Variants in CLOCK observed in about 807,000 individuals in gnomAD.
CLOCK encodes the protein circadian locomoter output cycles protein kaput.
CLOCK carries 43 observed loss-of-function variants against 118.4 expected under a neutral mutation model. The ratio of observed to expected loss-of-function variants is 0.36; its 90% CI spans 0.28 to 0.47. CLOCK has a LOEUF of 0.47. CLOCK is among the 20% of genes least tolerant of loss of function. The probability of loss-of-function intolerance (pLI) is 1.00; values close to 1 mark genes in which losing one functional copy is unlikely to be tolerated. For missense variants in CLOCK, 846 were observed against 999.9 expected (o/e 0.85, Z 2.08); for synonymous variants, 326 against 339.2 (o/e 0.96, Z 0.43).
At chr4:55,492,446 T>C (rs1471050855) in intron 2 of CLOCK, among the ~76,000 whole-genome samples, 7 of 151,508 alleles carry the variant, frequency 4.6e-5, no homozygotes. Flanking sequence ...AAAAAATAAA[T>C]TGGTTTGAAA....
intron 8 of CLOCK, among the ~76,000 whole-genome samples, chr4:55,465,004 T>C (rs1295839613): frequency 6.6e-6 from 1 of 152,198 alleles, no homozygotes; most frequent in Non-Finnish European, 1.5e-5. Context: ...AAATTACTTC[T>C]TTCAAGAAAG....
chr4:55,457,615 T>C (rs1416315222), intron 11 of CLOCK, among the ~76,000 whole-genome samples: 1 of 152,170 alleles, frequency 6.6e-6, no homozygotes, highest in African/African-American at 2.4e-5. Flanking sequence ...AAATTTTATT[T>C]CTGGTTTCTG....
At chr4:55,475,038 TGATG>T (rs970838798) in intron 7 of CLOCK, among the ~76,000 whole-genome samples, 1 of 152,198 alleles carries the variant, frequency 6.6e-6, no homozygotes, top group Non-Finnish European at 1.5e-5. Flanking sequence ...GTGATTCATG[TGATG>T]GATCTGGGCA....
chr4:55,484,973 T>C (rs1351593339), intron 3 of CLOCK, among the ~76,000 whole-genome samples: 2 of 152,048 alleles, frequency 1.3e-5, no homozygotes, highest in East Asian at 3.9e-4. Flanking sequence ...TCTCTCTCTC[T>C]CTTTTTTTGA....
rs577549427 is a variant in CLOCK at position 55,546,305 on chromosome 4, C to A, written c.-290+477G>T. 2.0e-5 allele frequency among the ~76,000 whole-genome samples: 3 copies of A among 152,280 alleles called. No homozygotes were observed. The East Asian group carries it at 5.8e-4, about 30-fold the overall frequency. On this transcript the variant is annotated intron_variant, in intron 1 of 22. Coordinates refer to ENST00000513440, the MANE Select transcript of CLOCK (RefSeq NM_004898.4). ...CCCGCCCCTGCCCCGCAGGTAACCC[C>A]AGCTGCCCCAGAGGGCCTCTCAGGC...
chr4:55,471,754 T>C (rs1726156084), intron 7 of CLOCK, among the ~76,000 whole-genome samples: 1 of 151,968 alleles, frequency 6.6e-6, no homozygotes, highest in African/African-American at 2.4e-5. Context: ...ATATAAGGGA[T>C]GAGGAAGAGA....
At chr4:55,458,455 G>A (rs1209594636) in intron 11 of CLOCK, among the ~76,000 whole-genome samples, 2 of 151,940 alleles carry the variant, frequency 1.3e-5, no homozygotes, top group Middle Eastern at 3.2e-3. Context: ...CTTGTCATCT[G>A]TTTGTTGGGT....
chr4:55,449,448 T>C lies in CLOCK; in HGVS notation c.1397A>G (p.His466Arg), dbSNP rs746783320. The change falls in exon 17 of 23, where the codon CAT becomes CGT. Residue 466 changes from histidine (H) to arginine (R), a missense_variant. This residue lies in a region of CLOCK where 520 missense variants were observed against 558.0 expected (regional missense o/e 0.93). Coordinates refer to ENST00000513440, the MANE Select transcript of CLOCK (RefSeq NM_004898.4). ...PTDTSTPPRQ[H>R]LPAHEKMVQR... is the part of the protein sequence containing the mutation. The stretch of plus-strand genomic sequence containing the variant: ...CACCATCTTCTCATGAGCTGGTAAA[T>C]GCTGCCTGGGTGGAGTGCTCGTATC... The C allele has an allele frequency of 1.9e-6, 3 of 1,614,076 alleles. No individual in the cohort carries two copies. Among genetic ancestry groups the C allele is most frequent in the Non-Finnish European group, 1.7e-6 (2 of 1,179,952 alleles).
intron 1 of CLOCK, among the ~76,000 whole-genome samples, chr4:55,538,573 A>C (rs1220374028): frequency 6.6e-6 from 1 of 152,196 alleles, no homozygotes; most frequent in African/African-American, 2.4e-5. Flanking sequence ...CATGATAATT[A>C]AGTTTAATAT....
chr4:55,459,004 G>T lies in CLOCK; in HGVS notation c.680C>A (p.Ser227Tyr). ...GNFKSLNSVS[S>Y]SAHNGFEGTI... ...TCCTTCAAAACCATTGTGTGCTGAA[G>T]AGGATACTAAAACAATAGGGAAATA... Residue 227 changes from serine to tyrosine, a missense_variant, in exon 11 of 23, where the codon TCT (serine) becomes TAT (tyrosine). By Grantham distance (144) the Ser-to-Tyr change is moderately radical. This residue lies in a region of CLOCK where 246 missense variants were observed against 300.2 expected (regional missense o/e 0.82). Transcript: ENST00000513440. 6.2e-7 allele frequency: 1 copy of T among 1,610,780 alleles called. No homozygotes were observed. The highest frequency in any genetic ancestry group is 1.3e-5 in the African/African-American group (1 of 74,966).
chr4:55,510,730 AAAG>A (rs1450658588), intron 1 of CLOCK, among the ~76,000 whole-genome samples: 8 of 152,056 alleles, frequency 5.3e-5, no homozygotes, highest in Admixed American at 5.2e-4. Flanking sequence ...AAGAGGTGAG[AAAG>A]AAAATTTTTT....
intron 1 of CLOCK, among the ~76,000 whole-genome samples, chr4:55,542,638 A>G (rs905181137): frequency 6.6e-6 from 1 of 151,958 alleles, no homozygotes; most frequent in Non-Finnish European, 1.5e-5. Context: ...AGGGTAGTGC[A>G]TATTAGTTGT....
intron 1 of CLOCK, among the ~76,000 whole-genome samples, chr4:55,531,206 C>T (rs1730520267): frequency 6.6e-6 from 1 of 151,958 alleles, no homozygotes; most frequent in Non-Finnish European, 1.5e-5. Context: ...TTGAGTTCCA[C>T]TAGCATTATG....
intron 1 of CLOCK, among the ~76,000 whole-genome samples, chr4:55,521,640 C>T (rs1729852113): frequency 6.6e-6 from 1 of 152,242 alleles, no homozygotes. Flanking sequence ...AATTATTGGC[C>T]TTCACAAATA....
intron 3 of CLOCK, among the ~76,000 whole-genome samples, chr4:55,488,329 T>A (rs1053380538): frequency 6.6e-6 from 1 of 152,192 alleles, no homozygotes; most frequent in Non-Finnish European, 1.5e-5. Context: ...CACTTCTACA[T>A]GCCAATGACT....
intron 21 of CLOCK, chr4:55,442,223 G>C: frequency 1.8e-6 from 1 of 555,758 alleles, no homozygotes; most frequent in Non-Finnish European, 3.2e-6. Flanking sequence ...CATATTTTTG[G>C]ACAAGAAAAA....
rs148034569 is a variant in CLOCK at position 55,455,925 on chromosome 4, T to A, written c.954A>T (p.Leu318=). 2.0e-5 allele frequency: 32 copies of A among 1,613,706 alleles called. No homozygotes were observed. The African/African-American group carries it at 3.5e-4, about 17-fold the overall frequency. ...SGYDYYHVDD[L]ENLAKCHEHL... ...GCTCATGACATTTTGCCAAATTTTC[T>A]AGGTCATCCACATGATAGTAATCAT... Residue 318 remains leucine, a synonymous_variant, in exon 13 of 23, where the codon CTA becomes CTT. Transcript: ENST00000513440.
chr4:55,468,678 A>G (rs2109846187), intron 8 of CLOCK, among the ~76,000 whole-genome samples: 1 of 152,304 alleles, frequency 6.6e-6, no homozygotes, highest in African/African-American at 2.4e-5. Context: ...ATCTCAGCAG[A>G]AATTTAGTTA....
At chr4:55,505,384 C>G (rs979907272) in intron 2 of CLOCK, among the ~76,000 whole-genome samples, 1 of 152,100 alleles carries the variant, frequency 6.6e-6, no homozygotes. Flanking sequence ...GTAACAGTAG[C>G]CAGGCAAGGT....
Sources: gnomAD v4.1 joint callset for allele counts (sites outside exome capture counted in the v4.1 genomes callset) on GRCh38, gnomAD v4.1.1 for gene constraint, gnomAD v4.1.1 regional missense constraint, MANE v1.5 for transcripts, NCBI Gene and HGNC (gene_info 2026-07-23, HGNC 2026-07-21) for gene names.